WDFY3: variants seen among roughly 807,000 people sequenced by gnomAD.
The protein encoded by WDFY3 is WD repeat and FYVE domain containing 3.
In WDFY3, 66 loss-of-function variants were observed where a neutral mutation model predicts 409.6. That is an observed-to-expected ratio of 0.16 (90% CI 0.13 to 0.20). The LOEUF (loss-of-function observed/expected upper bound fraction) is 0.20. Among genes scored for constraint, WDFY3 ranks in the 10% least tolerant of loss-of-function variants. The pLI is 1.00. For missense variants in WDFY3, 3,031 were observed against 4,298.1 expected (o/e 0.71, Z 8.24); for synonymous variants, 1,521 against 1,537.1 (o/e 0.99, Z 0.25).
intron 1 of WDFY3, among the ~76,000 whole-genome samples, chr4:84,934,757 GT>G (rs992504496): frequency 3.9e-5 from 6 of 152,016 alleles, no homozygotes; most frequent in Non-Finnish European, 1.5e-5. Context: ...GAACCTAAGG[GT>G]AAGTTATTGG....
intron 56 of WDFY3, 31 bp from the exon 57 acceptor site, chr4:84,696,854 A>G (rs1397283723): frequency 1.3e-6 from 2 of 1,579,440 alleles, no homozygotes; most frequent in Non-Finnish European, 1.7e-6. Context: ...AAAATAAAAA[A>G]AAAGAAAGAA....
chr4:84,875,265 C>T (rs192259962), intron 3 of WDFY3, among the ~76,000 whole-genome samples: 3,757 of 65,354 alleles, frequency 0.057, 137 homozygotes, highest in African/African-American at 0.15. Context: ...AAGACTCAAA[C>T]ACACACACAC....
chr4:84,907,900 A>T (rs1456749648), intron 2 of WDFY3, among the ~76,000 whole-genome samples: 3 of 152,100 alleles, frequency 2.0e-5, no homozygotes, highest in Non-Finnish European at 4.4e-5. Context: ...AACACCCAGA[A>T]CACAATATCA....
intron 17 of WDFY3, among the ~76,000 whole-genome samples, chr4:84,800,295 A>C (rs1050694717): frequency 2.6e-5 from 4 of 152,224 alleles, no homozygotes; most frequent in African/African-American, 9.6e-5. Context: ...ATAAAAGAGG[A>C]GTACTCTAAT....
chr4:84,871,057 T>C (rs936783089), intron 3 of WDFY3, among the ~76,000 whole-genome samples: 2 of 152,060 alleles, frequency 1.3e-5, no homozygotes, highest in African/African-American at 4.8e-5. Context: ...AAAGTAATAA[T>C]GACAAAGAAC....
intron 3 of WDFY3, among the ~76,000 whole-genome samples, chr4:84,887,559 G>A (rs534956929): frequency 2.7e-4 from 41 of 152,180 alleles, no homozygotes; most frequent in East Asian, 2.1e-3. Context: ...GTCAGTTTTC[G>A]TCCAGGAAAT....
At chr4:84,876,167 A>T (rs555231200) in intron 3 of WDFY3, among the ~76,000 whole-genome samples, 1 of 152,328 alleles carries the variant, frequency 6.6e-6, no homozygotes, top group East Asian at 1.9e-4. Context: ...GTGCTACGGT[A>T]TTACAACACT....
At chr4:84,911,766 AT>A (rs1027874028) in intron 2 of WDFY3, among the ~76,000 whole-genome samples, 1 of 150,410 alleles carries the variant, frequency 6.6e-6, no homozygotes, top group Non-Finnish European at 1.5e-5. Flanking sequence ...TATTTTTATC[AT>A]TTTTTACCAT....
chr4:84,841,232 T>C lies in WDFY3; in HGVS notation c.336A>G (p.Leu112=), dbSNP rs2046402. The part of the protein sequence containing the change: ...EAASRAIVQF[L]EINQSEEASR... ...TGGCTTCTTCACTCTGATTAATCTCTAGGAACTGAACTATGGCCCGACTTG... is the reference window on the plus strand; with the variant it reads ...TGGCTTCTTCACTCTGATTAATCTCCAGGAACTGAACTATGGCCCGACTTG... Residue 112 remains leucine, a synonymous_variant, in exon 6 of 68, where the codon CTA becomes CTG. Coordinates refer to ENST00000295888, the MANE Select transcript of WDFY3 (RefSeq NM_014991.6). The C allele has an allele frequency of 0.39, 636,000 of 1,610,946 alleles. 127,637 individuals carry two copies. Among genetic ancestry groups the C allele is most frequent in the African/African-American group, 0.48 (36,153 of 74,724 alleles).
At chr4:84,889,877 A>C (rs980094481) in intron 3 of WDFY3, among the ~76,000 whole-genome samples, 2 of 152,152 alleles carry the variant, frequency 1.3e-5, no homozygotes, top group Non-Finnish European at 2.9e-5. Flanking sequence ...TAAGAAAAAA[A>C]ATTAATCATT....
intron 2 of WDFY3, among the ~76,000 whole-genome samples, chr4:84,906,122 T>C (rs1767006717): frequency 6.6e-6 from 1 of 152,226 alleles, no homozygotes; most frequent in African/African-American, 2.4e-5. Flanking sequence ...CCTAGTAAAA[T>C]GCCTGTCATG....
intron 2 of WDFY3, among the ~76,000 whole-genome samples, chr4:84,910,749 A>G (rs1363972625): frequency 6.6e-6 from 1 of 152,172 alleles, no homozygotes; most frequent in East Asian, 1.9e-4. Flanking sequence ...TCTGTCGCCC[A>G]GGCTGGAGTG....
At chr4:84,870,747 G>A (rs1394237257) in intron 3 of WDFY3, among the ~76,000 whole-genome samples, 3 of 152,122 alleles carry the variant, frequency 2.0e-5, no homozygotes, top group Non-Finnish European at 2.9e-5. Flanking sequence ...GGAAAAGGAA[G>A]AATAAAGGAA....
At chr4:84,835,797 T>C (rs1756489567) in intron 7 of WDFY3, among the ~76,000 whole-genome samples, 1 of 152,160 alleles carries the variant, frequency 6.6e-6, no homozygotes, top group Non-Finnish European at 1.5e-5. Context: ...CGCTTCCTAC[T>C]CTCAGTAGTG....
intron 44 of WDFY3, among the ~76,000 whole-genome samples, chr4:84,728,562 G>A (rs937621367): frequency 1.1e-4 from 17 of 152,008 alleles, no homozygotes; most frequent in African/African-American, 4.1e-4. Context: ...ATAGACTGTT[G>A]GATAGATATG....
At chr4:84,803,156 C>A (rs1411786170) in intron 16 of WDFY3, 134 bp downstream of exon 16, 12 of 1,004,330 alleles carry the variant, frequency 1.2e-5, no homozygotes, top group Middle Eastern at 2.3e-4. Context: ...TAAAAAAATC[C>A]TTTTTTTTCC....
intron 3 of WDFY3, among the ~76,000 whole-genome samples, chr4:84,888,411 T>C (rs1012115080): frequency 1.3e-5 from 2 of 152,180 alleles, no homozygotes; most frequent in African/African-American, 2.4e-5. Context: ...TAATGAGTTA[T>C]GAGCAATTCT....
Position 84,748,140 on chromosome 4 carries a change from C to T in WDFY3, c.5973+3343G>A, listed in dbSNP as rs77664645. 6.9e-3 allele frequency among the ~76,000 whole-genome samples: 1,057 copies of T among 152,236 alleles called. 28 individuals are homozygous for T. In the East Asian group the frequency reaches 0.096, roughly 14 times the overall value. ...ATTCATTTGGCTCTTCATGAGAAGTCTGGTGGTGACAGCACAGGGCACTGA... is the reference window on the plus strand; with the variant it reads ...ATTCATTTGGCTCTTCATGAGAAGTTTGGTGGTGACAGCACAGGGCACTGA... On this transcript the variant is annotated intron_variant, in intron 36 of 67. Coordinates refer to ENST00000295888, the MANE Select transcript of WDFY3 (RefSeq NM_014991.6).
intron 51 of WDFY3, among the ~76,000 whole-genome samples, chr4:84,710,814 G>A (rs919642867): frequency 1.3e-5 from 2 of 152,100 alleles, no homozygotes; most frequent in Non-Finnish European, 2.9e-5. Context: ...GTAGCAATTC[G>A]CTTACAAGTA....
Sources: allele counts gnomAD v4.1 joint callset (sites outside exome capture counted in the v4.1 genomes callset), GRCh38; gene constraint gnomAD v4.1.1; transcripts MANE v1.5; gene names NCBI Gene and HGNC (gene_info 2026-07-23, HGNC 2026-07-21).